The following CDH12 variants were observed in gnomAD, a reference collection of about 807,000 sequenced individuals.
CDH12 encodes the protein cadherin 12.
A neutral mutation model predicts 74.1 loss-of-function variants in CDH12; 41 were observed. The observed-to-expected ratio is 0.55, with a 90% CI of 0.43 to 0.72. The LOEUF (loss-of-function observed/expected upper bound fraction) is 0.72, where lower values mean the gene tolerates loss of function less well. Among genes scored for constraint, CDH12 ranks in the 30% least tolerant of loss-of-function variants. The pLI is 0.00. For synonymous variants in CDH12, 399 were observed against 355.0 expected (o/e 1.12, Z -1.39); for missense variants, 945 against 977.2 (o/e 0.97, Z 0.44).
At chr5:22,347,480 G>A (rs1265588132) in intron 3 of CDH12, among the ~76,000 whole-genome samples, 3 of 152,234 alleles carry the variant, frequency 2.0e-5, no homozygotes, top group South Asian at 2.1e-4. Flanking sequence ...ACTGAAGACC[G>A]CACCATCGGC....
At chr5:22,661,669 A>T (rs895543104) in intron 1 of CDH12, among the ~76,000 whole-genome samples, 1 of 152,138 alleles carries the variant, frequency 6.6e-6, no homozygotes, top group African/African-American at 2.4e-5. Context: ...TCATCAATTT[A>T]AGATTGTTAA....
At chr5:22,762,713 T>C (rs1342106137) in intron 1 of CDH12, among the ~76,000 whole-genome samples, 1 of 152,104 alleles carries the variant, frequency 6.6e-6, no homozygotes, top group Non-Finnish European at 1.5e-5. Context: ...TAATTTACTG[T>C]TTGCGTCAGG....
intron 4 of CDH12, among the ~76,000 whole-genome samples, chr5:22,199,186 G>T (rs1308567915): frequency 6.6e-6 from 1 of 152,082 alleles, no homozygotes; most frequent in East Asian, 1.9e-4. Context: ...TAACTTTACT[G>T]GTTCTTTTCA....
intron 3 of CDH12, among the ~76,000 whole-genome samples, chr5:22,395,303 A>G (rs1292395390): frequency 1.3e-5 from 2 of 152,158 alleles, no homozygotes; most frequent in Non-Finnish European, 2.9e-5. Flanking sequence ...AGGGTTGTCA[A>G]TGGCCACCAG....
rs554697344 is a variant in CDH12, at chr5:22,827,073, A to T, written c.-523+25985T>A. On this transcript the variant is annotated intron_variant, in intron 1 of 14. Transcript: ENST00000382254. ...ACAGGCCCACAGGTTTAAGAAAAAA[A>T]GTGGTTTCCTGGGCTGGGCCCAGAG... Among the ~76,000 whole-genome samples the T allele has an allele frequency of 1.3e-4, 20 of 152,320 alleles. No homozygotes were observed. The South Asian group carries it at 3.9e-3, about 30-fold the overall frequency.
intron 3 of CDH12, among the ~76,000 whole-genome samples, chr5:22,329,122 A>T (rs1739243724): frequency 6.6e-6 from 1 of 152,198 alleles, no homozygotes; most frequent in Non-Finnish European, 1.5e-5. Flanking sequence ...GATGAAATTG[A>T]CCCTGATAAA....
chr5:22,295,036 T>C (rs1042552946), intron 3 of CDH12, among the ~76,000 whole-genome samples: 1 of 152,112 alleles, frequency 6.6e-6, no homozygotes, highest in African/African-American at 2.4e-5. Context: ...CTAATCACCT[T>C]GACCAACCTC....
chr5:21,792,598 CTTTTTT>C (rs371352944), intron 10 of CDH12, among the ~76,000 whole-genome samples: 1 of 121,738 alleles, frequency 8.2e-6, no homozygotes, highest in Non-Finnish European at 1.8e-5. Flanking sequence ...TTCCTCTGCC[CTTTTTT>C]TTTTTTTTTT....
intron 3 of CDH12, among the ~76,000 whole-genome samples, chr5:22,347,483 C>T (rs2920752): frequency 0.033 from 4,961 of 152,226 alleles, 264 homozygotes; most frequent in African/African-American, 0.11. Flanking sequence ...GAAGACCGCA[C>T]CATCGGCTTC....
chr5:22,488,309 A>G (rs1746692351), intron 2 of CDH12, among the ~76,000 whole-genome samples: 2 of 152,242 alleles, frequency 1.3e-5, no homozygotes, highest in South Asian at 4.1e-4. Flanking sequence ...TGCAAAATAA[A>G]AGAAATATTT....
At chr5:22,358,492 G>T (rs1465713075) in intron 3 of CDH12, among the ~76,000 whole-genome samples, 1 of 152,052 alleles carries the variant, frequency 6.6e-6, no homozygotes, top group Admixed American at 6.6e-5. Context: ...GATGTTTTCA[G>T]TTCTGTTCTG....
intron 1 of CDH12, among the ~76,000 whole-genome samples, chr5:22,743,758 C>G (rs1292502805): frequency 6.6e-6 from 1 of 152,006 alleles, no homozygotes; most frequent in Non-Finnish European, 1.5e-5. Flanking sequence ...ATTTTTTTCT[C>G]TACTTCATGA....
intron 5 of CDH12, among the ~76,000 whole-genome samples, chr5:22,035,446 G>A (rs1455372454): frequency 6.6e-6 from 1 of 151,762 alleles, no homozygotes; most frequent in African/African-American, 2.4e-5. Context: ...CTTATGGAGA[G>A]CAGTAGAGAA....
chr5:22,745,773 G>A (rs763741212), intron 1 of CDH12, among the ~76,000 whole-genome samples: 3 of 152,108 alleles, frequency 2.0e-5, no homozygotes, highest in Non-Finnish European at 4.4e-5. Flanking sequence ...AGAGTGGAGG[G>A]TGGGAGGAAG....
chr5:22,840,401 C>G (rs1737030892), intron 1 of CDH12, among the ~76,000 whole-genome samples: 1 of 152,026 alleles, frequency 6.6e-6, no homozygotes, highest in Admixed American at 6.6e-5. Context: ...GGATTACAGG[C>G]ATGAAACGAA....
intron 1 of CDH12, among the ~76,000 whole-genome samples, chr5:22,609,876 T>C (rs540406126): frequency 6.6e-6 from 1 of 152,330 alleles, no homozygotes; most frequent in Non-Finnish European, 1.5e-5. Context: ...TTAAATGTAG[T>C]TAAAAGAGGT....
intron 6 of CDH12, among the ~76,000 whole-genome samples, chr5:21,939,828 T>C (rs564059616): frequency 4.7e-4 from 72 of 152,312 alleles, no homozygotes; most frequent in Middle Eastern, 3.4e-3. Flanking sequence ...TTTTACCTAA[T>C]GTATACACAT....
At chr5:21,987,465 G>C (rs1580071994) in intron 5 of CDH12, among the ~76,000 whole-genome samples, 1 of 152,120 alleles carries the variant, frequency 6.6e-6, no homozygotes, top group African/African-American at 2.4e-5. Flanking sequence ...TCTCAAGAGA[G>C]AACAAGAGGG....
chr5:22,635,578 A>C (rs1229699649), intron 1 of CDH12, among the ~76,000 whole-genome samples: 1 of 152,202 alleles, frequency 6.6e-6, no homozygotes, highest in Non-Finnish European at 1.5e-5. Flanking sequence ...AAATGTCTTC[A>C]AATTATATAT....
Sources: allele counts gnomAD v4.1 joint callset (sites outside exome capture counted in the v4.1 genomes callset), GRCh38; gene constraint gnomAD v4.1.1; transcripts MANE v1.5; gene names NCBI Gene and HGNC (gene_info 2026-07-23, HGNC 2026-07-21).